HSPG2: variants seen among roughly 807,000 people sequenced by gnomAD.
The protein encoded by HSPG2 is basement membrane-specific heparan sulfate proteoglycan core protein.
HSPG2 carries 278 observed loss-of-function variants against 526.6 expected under a neutral mutation model. That is an observed-to-expected ratio of 0.53 (90% CI 0.48 to 0.58). HSPG2 has a LOEUF of 0.58. Ranked by LOEUF, HSPG2 falls within the 20% of genes least tolerant of loss-of-function variation. The probability of loss-of-function intolerance (pLI) is 0.00; values close to 1 mark genes in which losing one functional copy is unlikely to be tolerated. For missense variants in HSPG2, 5,354 were observed against 6,099.5 expected, an observed-to-expected ratio of 0.88 and a Z score of 4.07; for synonymous variants, 2,465 against 2,555.4, an observed-to-expected ratio of 0.96 and a Z score of 1.07.
At position 21,831,559 on chromosome 1, in the gene HSPG2, T is replaced by C; in HGVS notation, c.11356A>G (p.Lys3786Glu). 6.2e-7 allele frequency: 1 copy of C among 1,613,968 alleles called. No individual in the cohort carries two copies. The highest frequency in any genetic ancestry group is 8.5e-7 in the Non-Finnish European group (1 of 1,179,924). ...TCGTTCAGATCCAGGCCCTGGAACT[T>C]GCCCTGGGGAGGTGGGGAAGTCAGG... ...LAPVNGTSQG[K>E]FQGLDLNEEL... The change falls in exon 83 of 97, where the codon AAG becomes GAG. Residue 3786 changes from lysine to glutamate, a missense_variant. Transcript: ENST00000374695.
intron 13 of HSPG2, among the ~76,000 whole-genome samples, chr1:21,882,637 T>C (rs1641602297): frequency 6.6e-6 from 1 of 152,140 alleles, no homozygotes; most frequent in African/African-American, 2.4e-5. Context: ...ATGTGGCCAC[T>C]GAGCACTGGA....
chr1:21,859,567 A>G lies in HSPG2; in HGVS notation c.5292T>C (p.Thr1764=). The G allele has an allele frequency of 6.3e-7, 1 of 1,587,766 alleles. No homozygotes were observed. Among genetic ancestry groups the G allele is most frequent in the Non-Finnish European group, 8.6e-7 (1 of 1,165,540 alleles). Residue 1764 remains threonine (T), a splice_region_variant and synonymous_variant, in exon 42 of 97, where the codon ACT becomes ACC. Coordinates refer to ENST00000374695, the MANE Select transcript of HSPG2 (RefSeq NM_005529.7). This position sits in a 1 kb window ranked among gnomAD's most constrained non-coding sequence, Gnocchi z 5.3. ...SNTSRAELLV[T]EAPSKPITVT... Reference sequence around the variant, plus strand: ...GTTACAGGGGGCGTAGGGACTCACCAGTGACCAGCAGCTCTGCCCGGCTGG... The same window carrying G: ...GTTACAGGGGGCGTAGGGACTCACCGGTGACCAGCAGCTCTGCCCGGCTGG...
intron 1 of HSPG2, among the ~76,000 whole-genome samples, chr1:21,926,999 C>T (rs937552527): frequency 2.0e-5 from 3 of 152,006 alleles, no homozygotes; most frequent in East Asian, 1.9e-4. Context: ...GGGCCGGAGC[C>T]GGCTTCCTGG....
chr1:21,824,706 C>G lies in HSPG2; in HGVS notation c.12663G>C (p.Arg4221Ser). Residue 4221 changes from arginine (R) to serine (S), a missense_variant and splice_region_variant, in exon 92 of 97, where the codon AGG becomes AGC. Arg to Ser is a moderately radical substitution (Grantham distance 110, BLOSUM62 -1). Coordinates refer to ENST00000374695, the MANE Select transcript of HSPG2 (RefSeq NM_005529.7). This position sits in a 1 kb window ranked among gnomAD's most constrained non-coding sequence, Gnocchi z 5.9. ...FLAFPGHVFS[R>S]SLPEVPETIE... ...GGCCCTTCCAATGCCAGTCTCACCT[C>G]CTGGAGAAGACATGGCCAGGGAAGG... The G allele has an allele frequency of 6.2e-7, 1 of 1,613,734 alleles. No homozygotes were observed. The highest frequency in any genetic ancestry group is 8.5e-7 in the Non-Finnish European group (1 of 1,179,864).
intron 1 of HSPG2, among the ~76,000 whole-genome samples, chr1:21,915,252 C>T (rs1038975436): frequency 1.4e-4 from 22 of 152,200 alleles, no homozygotes; most frequent in African/African-American, 4.8e-4. Flanking sequence ...CCCAGGCAGC[C>T]GGCACCTCTG....
chr1:21,884,942 T>C (rs1461475056), intron 11 of HSPG2, 24 bp from the exon 12 acceptor site: 2 of 1,613,936 alleles, frequency 1.2e-6, no homozygotes, highest in Middle Eastern at 1.6e-4. Context: ...AGACAAGTGG[T>C]AGGATCTGGC....
Position 21,837,984 on chromosome 1 carries a change from A to C in HSPG2, c.10150+841T>G, listed in dbSNP as rs574277739. 2.7e-4 allele frequency among the ~76,000 whole-genome samples: 41 copies of C among 152,024 alleles called. No individual in the cohort carries two copies. The South Asian group carries it at 7.7e-3, about 29-fold the overall frequency. On this transcript the variant is annotated intron_variant, in intron 74 of 96. Coordinates refer to ENST00000374695, the MANE Select transcript of HSPG2 (RefSeq NM_005529.7). Reference sequence around the variant, plus strand: ...ATCCCCTTCTCTACTAAAAACACAAAAATTAGCCAAGCGTGGTGGCGCGTG... The same window carrying C: ...ATCCCCTTCTCTACTAAAAACACAACAATTAGCCAAGCGTGGTGGCGCGTG...
At chr1:21,832,997 G>A in intron 80 of HSPG2, 1 of 566,572 alleles carries the variant, frequency 1.8e-6, no homozygotes, top group South Asian at 2.0e-5. Context: ...GGGAAAGGAA[G>A]CTGGGACAGG....
rs1642252489 is a variant in HSPG2, at chr1:21,890,218, C to G, written c.414-77G>C. 3 of 1,558,752 alleles carry G rather than the reference C, an allele frequency of 1.9e-6. No individual in the cohort carries two copies. The highest frequency in any genetic ancestry group is 2.6e-6 in the Non-Finnish European group (3 of 1,132,780). ...CAGCTCCTCCATGAGGCTCCCGCCC[C>G]GACGCTCAGGCCCTGTTCCGGGACA... On this transcript the variant is annotated intron_variant, in intron 5 of 96. Coordinates refer to ENST00000374695, the MANE Select transcript of HSPG2 (RefSeq NM_005529.7). The surrounding 1 kb of genome is among the most constrained non-coding windows in gnomAD (Gnocchi z 4.1).
At chr1:21,870,939 G>T in intron 33 of HSPG2, 1 of 935,392 alleles carries the variant, frequency 1.1e-6, no homozygotes, top group Non-Finnish European at 1.3e-6. Flanking sequence ...GGACAGGGCA[G>T]CAGGGAGGCC....
At chr1:21,926,190 G>A (rs1031006818) in intron 1 of HSPG2, among the ~76,000 whole-genome samples, 1 of 152,160 alleles carries the variant, frequency 6.6e-6, no homozygotes, top group Non-Finnish European at 1.5e-5. Context: ...AACTTCAAAA[G>A]ATTGCTGTGA....
intron 1 of HSPG2, among the ~76,000 whole-genome samples, chr1:21,917,570 G>A (rs1377878780): frequency 6.6e-6 from 1 of 152,122 alleles, no homozygotes; most frequent in Non-Finnish European, 1.5e-5. Context: ...ATCTTCAATG[G>A]CAAAAAAGCT....
rs543011207 is a variant in HSPG2, at chr1:21,848,524, G to A, written c.7737+119C>T. 8.6e-5 allele frequency: 103 copies of A among 1,195,048 alleles called. 1 individual carries two copies. The South Asian group carries it at 1.2e-3, about 13-fold the overall frequency. The allele number at this position is 1,195,048 out of a possible 1,614,324, so 74.0% of individuals were successfully genotyped here. On this transcript the variant is annotated intron_variant, in intron 59 of 96. Coordinates refer to ENST00000374695, the MANE Select transcript of HSPG2 (RefSeq NM_005529.7). The surrounding 1 kb of genome is among the most constrained non-coding windows in gnomAD (Gnocchi z 4.9). The stretch of plus-strand genomic sequence containing the variant: ...ACTGGTCTAGGACCCATCCAGCAAG[G>A]ATACTCAATGTTTGTTGAATGACTG...
In HSPG2 at chr1:21,874,342, C is replaced by G. The variant is rs2445135; in HGVS notation, c.3656+64G>C. ...CCTCTCAGAAGGGCCCTGGATGAAG[C>G]GGGTGTGGGAGCGGGTGGTAGACAT... On this transcript the variant is annotated intron_variant, in intron 28 of 96. Coordinates refer to ENST00000374695, the MANE Select transcript of HSPG2 (RefSeq NM_005529.7). 1,594,422 of 1,599,828 alleles carry G rather than the reference C, an allele frequency of 1. 794,649 individuals carry two copies. The highest frequency in any genetic ancestry group is 1 in the East Asian group (44,538 of 44,538).
At chr1:21,835,708 G>A (rs2098023777) in intron 75 of HSPG2, 71 bp from the exon 76 acceptor site, 2 of 1,193,382 alleles carry the variant, frequency 1.7e-6, no homozygotes, top group Admixed American at 3.7e-5. Flanking sequence ...ATTGGGCTGG[G>A]CGTGGTGGCT....
chr1:21,892,832 C>T (rs961327378), intron 3 of HSPG2, among the ~76,000 whole-genome samples: 27 of 129,216 alleles, frequency 2.1e-4, no homozygotes, highest in African/African-American at 7.7e-4. Flanking sequence ...TACTGCCTTC[C>T]AGCCTGGGTG....
intron 33 of HSPG2, among the ~76,000 whole-genome samples, chr1:21,871,937 T>C (rs1329820746): frequency 6.6e-6 from 1 of 152,246 alleles, no homozygotes; most frequent in Non-Finnish European, 1.5e-5. Context: ...CATGAACAGC[T>C]GAGCACTTAT....
At position 21,876,015 on chromosome 1, in the gene HSPG2, A is replaced by G. The variant is rs374157450; in HGVS notation, c.3031T>C (p.Phe1011Leu). 1.9e-6 allele frequency: 3 copies of G among 1,614,086 alleles called. No homozygotes were observed. Among genetic ancestry groups the G allele is most frequent in the Non-Finnish European group, 1.7e-6 (2 of 1,179,992 alleles). Residue 1011 changes from phenylalanine (F) to leucine (L), a missense_variant, in exon 24 of 97, where the codon TTC becomes CTC. By Grantham distance (22) the Phe-to-Leu change is conservative (BLOSUM62 0). Coordinates refer to ENST00000374695, the MANE Select transcript of HSPG2 (RefSeq NM_005529.7). Reference protein sequence around the residue: ...KVTSYGGELRFTVTQRSQPGS... With the variant: ...KVTSYGGELRLTVTQRSQPGS... The stretch of plus-strand genomic sequence containing the variant: ...GGCTGGGACCTCTGGGTCACTGTGA[A>G]GCGCAGCTCTCCTCCATAGGAGGTC...
rs1474224091 is a variant in HSPG2, at chr1:21,881,079, C to T, written c.1819-244G>A. ...CACAGGGTACCCAGGGAAGCCAGTG[C>T]GGAGGCACAGAACCCAGCCCAGGCA... On this transcript the variant is annotated intron_variant, in intron 14 of 96. Coordinates refer to ENST00000374695, the MANE Select transcript of HSPG2 (RefSeq NM_005529.7). Among the ~76,000 whole-genome samples, 6 of 152,288 alleles carry T rather than the reference C, an allele frequency of 3.9e-5. No homozygotes were observed. The East Asian group carries it at 5.8e-4, about 15-fold the overall frequency.
Sources: allele counts gnomAD v4.1 joint callset (sites outside exome capture counted in the v4.1 genomes callset), GRCh38; gene constraint gnomAD v4.1.1; non-coding constraint Gnocchi (gnomAD v3.1); transcripts MANE v1.5; gene names NCBI Gene and HGNC (gene_info 2026-07-23, HGNC 2026-07-21).